MYH3: variants seen among roughly 807,000 people sequenced by gnomAD.
MYH3 encodes the protein myosin heavy chain 3.
MYH3 carries 130 observed loss-of-function variants against 238.0 expected under a neutral mutation model. The observed-to-expected ratio is 0.55, with a 90% CI of 0.47 to 0.63. The LOEUF (loss-of-function observed/expected upper bound fraction) is 0.63. Ranked by LOEUF, MYH3 falls within the 30% of genes least tolerant of loss-of-function variation. MYH3 has a pLI of 0.00. For missense variants in MYH3, 1,853 were observed against 2,374.9 expected (o/e 0.78, Z 4.57); for synonymous variants, 880 against 924.1 (o/e 0.95, Z 0.86).
chr17:10,647,002 C>CT (rs1360978002), intron 10 of MYH3, among the ~76,000 whole-genome samples, 180 bp downstream of exon 10: 1 of 152,180 alleles, frequency 6.6e-6, no homozygotes, highest in Non-Finnish European at 1.5e-5. Context: ...GTGAGCTGTG[C>CT]TTGTGCCACT....
At chr17:10,655,359 G>T (rs1338917312) in intron 2 of MYH3, among the ~76,000 whole-genome samples, 1 of 152,216 alleles carries the variant, frequency 6.6e-6, no homozygotes, top group Non-Finnish European at 1.5e-5. Flanking sequence ...GCGATAAGGG[G>T]TTTGGAAGTG....
intron 6 of MYH3, 61 bp from the exon 7 acceptor site, chr17:10,649,746 C>G (rs889037522): frequency 4.1e-6 from 6 of 1,481,208 alleles, no homozygotes; most frequent in Non-Finnish European, 5.7e-6. Flanking sequence ...ACAGGCTTTT[C>G]AGGATGTCAT....
intron 7 of MYH3, 66 bp from the exon 8 acceptor site, chr17:10,648,715 G>T: frequency 7.2e-7 from 1 of 1,387,872 alleles, no homozygotes; most frequent in Non-Finnish European, 1.0e-6. Context: ...CACTCTTGTT[G>T]CCCAGGCTGC....
intron 7 of MYH3, 92 bp downstream of exon 7, chr17:10,649,485 G>C: frequency 1.0e-6 from 1 of 974,362 alleles, no homozygotes; most frequent in Non-Finnish European, 1.7e-6. Context: ...CTCTGAAGAG[G>C]GGGGAATGTG....
At position 10,635,837 on chromosome 17, in the gene MYH3, C is replaced by T. The variant is rs1301580333; in HGVS notation, c.3873G>A (p.Gln1291=). ...LQTEAGELSR[Q]LEEKESIVSQ... is the part of the protein sequence containing the mutation. ...ATACTATGCTTTCTTTTTCTTCCAG[C>T]TGACGACTCAGCTCACCTGTGTCCA... Residue 1291 remains glutamine (Q), a synonymous_variant, in exon 29 of 41, where the codon CAG becomes CAA. Transcript: ENST00000583535. 1.9e-6 allele frequency: 3 copies of T among 1,613,940 alleles called. No homozygotes were observed. The highest frequency in any genetic ancestry group is 1.7e-5 in the Admixed American group (1 of 60,008).
At chr17:10,630,014 A>C (rs1210100355) in intron 38 of MYH3, 77 bp from the exon 39 acceptor site, 1 of 1,605,332 alleles carries the variant, frequency 6.2e-7, no homozygotes. Context: ...TTTCTGGGCC[A>C]AAGTGTTTCT....
chr17:10,633,700 A>T lies in MYH3; in HGVS notation c.4538T>A (p.Leu1513His). 1 of 1,614,046 alleles carries T rather than the reference A, an allele frequency of 6.2e-7. No homozygotes were observed. Residue 1513 changes from leucine (L) to histidine (H), a missense_variant, in exon 33 of 41, where the codon CTC (leucine) becomes CAC (histidine). Physicochemically the swap from Leu to His is moderately conservative, Grantham distance 99. Transcript: ENST00000583535. Reference protein sequence around the residue: ...NKNLEQEIADLTEQIAENGKT... With the variant: ...NKNLEQEIADHTEQIAENGKT... Reference sequence around the variant, plus strand: ...GCCATTTTCAGCAATTTGTTCTGTGAGATCTGCTATCTCCTCTGTAAAGAA... The same window carrying T: ...GCCATTTTCAGCAATTTGTTCTGTGTGATCTGCTATCTCCTCTGTAAAGAA...
chr17:10,662,320 T>C, the MYH3 span, among the ~76,000 whole-genome samples: 3 of 152,098 alleles, frequency 2.0e-5, no homozygotes, highest in Non-Finnish European at 4.4e-5. Flanking sequence ...CTGCGTCTGG[T>C]CCCCAACTTT....
intron 4 of MYH3, chr17:10,652,069 G>T: frequency 2.5e-6 from 1 of 397,306 alleles, no homozygotes; most frequent in Non-Finnish European, 4.8e-6. Context: ...TGTTTCTTTG[G>T]GATAAACTTA....
At position 10,636,063 on chromosome 17, in the gene MYH3, G is replaced by A. The variant is rs369765226; in HGVS notation, c.3857-210C>T. Among the ~76,000 whole-genome samples, 21 of 152,152 alleles carry A rather than the reference G, an allele frequency of 1.4e-4. No individual in the cohort carries two copies. The East Asian group carries it at 2.9e-3, about 21-fold the overall frequency. ...TTGTAGGCCAGGTGCAGTGGCTCAC[G>A]CCTGTAATCCCAGCACTTTGGGAGG... On this transcript the variant is annotated intron_variant, in intron 28 of 40. Coordinates refer to ENST00000583535, the MANE Select transcript of MYH3 (RefSeq NM_002470.4).
rs397786526 is a variant in MYH3, at chr17:10,636,288, CAAAAAAAAA to C, written c.3857-444_3857-436del. On this transcript the variant is annotated intron_variant, in intron 28 of 40. Coordinates refer to ENST00000583535, the MANE Select transcript of MYH3 (RefSeq NM_002470.4). ...GTGAGCCAAGATCATGCCTCAATCT[CAAAAAAAAA>C]AAAAAAAAAAAAGATATTGTTGTAA... 9.3e-3 allele frequency among the ~76,000 whole-genome samples: 754 copies of C among 81,040 alleles called. 3 individuals are homozygous for C. Among genetic ancestry groups the C allele is most frequent in the Middle Eastern group, 0.062 (8 of 128 alleles). 53.2% of individuals were successfully genotyped at this position (81,040 alleles called of 152,430 possible). A position where few individuals can be genotyped will look rare whatever the true frequency, so the allele number is the denominator to read the frequency against.
In MYH3 at chr17:10,641,508, C is replaced by CTT. The variant is rs541839271; in HGVS notation, c.1960-138_1960-137dup. 8.3e-3 allele frequency: 961 copies of CTT among 115,748 alleles called. 3 individuals are homozygous for CTT. Among genetic ancestry groups the CTT allele is most frequent in the South Asian group, 0.012 (216 of 17,990 alleles). 7.2% of individuals were successfully genotyped at this position (115,748 alleles called of 1,614,324 possible). On this transcript the variant is annotated intron_variant, in intron 17 of 40. Coordinates refer to ENST00000583535, the MANE Select transcript of MYH3 (RefSeq NM_002470.4). Reference sequence around the variant, plus strand: ...GTATAGTGAAATGATTTAACTCTGTCTTTTTTTTTTTTTTTTTTTTTTTTG... The same window carrying CTT: ...GTATAGTGAAATGATTTAACTCTGTCTTTTTTTTTTTTTTTTTTTTTTTTTTG...
At chr17:10,671,082 C>T in the MYH3 span, among the ~76,000 whole-genome samples, 8 of 151,950 alleles carry the variant, frequency 5.3e-5, no homozygotes, top group African/African-American at 1.5e-4. Flanking sequence ...TTAGTAGAGA[C>T]GGAGTTTCAC....
upstream of MYH3, chr17:10,658,684 T>C (rs1188410172): frequency 6.6e-6 from 1 of 151,976 alleles, no homozygotes; most frequent in East Asian, 1.9e-4. Flanking sequence ...GCCAATGGAG[T>C]CAGTTGGGCA....
chr17:10,662,345 G>A, the MYH3 span, among the ~76,000 whole-genome samples: 3 of 152,226 alleles, frequency 2.0e-5, no homozygotes, highest in Non-Finnish European at 2.9e-5. Context: ...CATGAAAAAT[G>A]TCAAGCATTT....
intron 31 of MYH3, 73 bp from the exon 32 acceptor site, chr17:10,634,255 A>G (rs1333512026): frequency 6.4e-7 from 1 of 1,562,798 alleles, no homozygotes; most frequent in African/African-American, 1.4e-5. Flanking sequence ...CTAAATAACT[A>G]AATTAAATGC....
In MYH3 at chr17:10,629,618, A is replaced by G. The variant is rs780712811; in HGVS notation, c.5775T>C (p.Thr1925=). ...ESQVNKLRAK[T]RDFTSSRMVV... ...TCACCCTGCTGGAGGTGAAGTCTCG[A>G]GTCTTAGCGCGGAGCTTGTTGACTT... Residue 1925 remains threonine (T), a synonymous_variant, in exon 40 of 41, where the codon ACT becomes ACC. Coordinates refer to ENST00000583535, the MANE Select transcript of MYH3 (RefSeq NM_002470.4). 2 of 1,613,660 alleles carry G rather than the reference A, an allele frequency of 1.2e-6. No individual in the cohort carries two copies. Among genetic ancestry groups the G allele is most frequent in the Admixed American group, 1.7e-5 (1 of 60,024 alleles).
In MYH3 at chr17:10,649,705, G is replaced by C. The variant is rs1232502573; in HGVS notation, c.534-20C>G. The stretch of plus-strand genomic sequence containing the variant: ...TCTCCGCTGTACAGAGTGATCAAAA[G>C]AGAGAGAAAGAAACAAGTCTGTTAG... On this transcript the variant is annotated intron_variant, in intron 6 of 40. Coordinates refer to ENST00000583535, the MANE Select transcript of MYH3 (RefSeq NM_002470.4). 7 of 1,607,456 alleles carry C rather than the reference G, an allele frequency of 4.4e-6. No homozygotes were observed. Among genetic ancestry groups the C allele is most frequent in the Non-Finnish European group, 6.0e-6 (7 of 1,173,994 alleles).
At chr17:10,660,590 T>C (rs2074473471), upstream of MYH3, among the ~76,000 whole-genome samples, 1 of 151,420 alleles carries the variant, frequency 6.6e-6, no homozygotes, top group Admixed American at 6.6e-5. Context: ...GGCAAGAGAA[T>C]GGTGTGAACC....
Sources: gnomAD v4.1 joint callset for allele counts (sites outside exome capture counted in the v4.1 genomes callset) on GRCh38, gnomAD v4.1.1 for gene constraint, MANE v1.5 for transcripts, NCBI Gene and HGNC (gene_info 2026-07-23, HGNC 2026-07-21) for gene names.